UNC13C: variants seen among roughly 807,000 people sequenced by gnomAD.
UNC13C encodes the protein unc-13 homolog C.
In UNC13C, 174 loss-of-function variants were observed where a neutral mutation model predicts 245.4. The ratio of observed to expected loss-of-function variants is 0.71; its 90% CI spans 0.63 to 0.80. UNC13C has a LOEUF of 0.80. UNC13C is among the 30% of genes least tolerant of loss of function. The probability of loss-of-function intolerance (pLI) is 0.00; values close to 1 mark genes in which losing one functional copy is unlikely to be tolerated. For synonymous variants in UNC13C, 992 were observed against 895.1 expected (o/e 1.11, Z -1.93); for missense variants, 2,829 against 2,602.9 (o/e 1.09, Z -1.89).
chr15:54,141,650 TTTAAA>T (rs2032026527), intron 2 of UNC13C, among the ~76,000 whole-genome samples: 1 of 152,114 alleles, frequency 6.6e-6, no homozygotes, highest in African/African-American at 2.4e-5. Flanking sequence ...ATATCATTAT[TTTAAA>T]TGATGCTTTG....
chr15:54,291,267 A>G (rs2037291787), intron 10 of UNC13C, among the ~76,000 whole-genome samples: 1 of 151,920 alleles, frequency 6.6e-6, no homozygotes, highest in Non-Finnish European at 1.5e-5. Context: ...ACTGCTCTCC[A>G]TGGTTGATAG....
At chr15:54,624,551 G>T (rs1030314605) in intron 32 of UNC13C, among the ~76,000 whole-genome samples, 3 of 152,064 alleles carry the variant, frequency 2.0e-5, no homozygotes, top group Non-Finnish European at 4.4e-5. Context: ...TTCAATAGGT[G>T]GTCCACTGAA....
At chr15:54,550,697 A>C (rs937633977) in intron 28 of UNC13C, among the ~76,000 whole-genome samples, 4 of 152,164 alleles carry the variant, frequency 2.6e-5, no homozygotes, top group African/African-American at 9.7e-5. Flanking sequence ...TGTCACCCAC[A>C]CATGTTCAGT....
intron 19 of UNC13C, among the ~76,000 whole-genome samples, chr15:54,461,484 G>T (rs975822397): frequency 2.6e-5 from 4 of 152,002 alleles, no homozygotes; most frequent in African/African-American, 9.7e-5. Flanking sequence ...AAAATATTTT[G>T]TTAGTCTATA....
chr15:54,481,586 A>G (rs140314344), intron 19 of UNC13C, among the ~76,000 whole-genome samples: 32 of 152,186 alleles, frequency 2.1e-4, no homozygotes, highest in African/African-American at 6.3e-4. Context: ...TCAGGGCGCA[A>G]TATAGTCTGG....
At chr15:54,304,026 G>A (rs1341989964) in intron 13 of UNC13C, among the ~76,000 whole-genome samples, 1 of 152,052 alleles carries the variant, frequency 6.6e-6, no homozygotes, top group Non-Finnish European at 1.5e-5. Context: ...GTTCACACTA[G>A]ACAACTGTCT....
chr15:53,880,178 G>C, the UNC13C span, among the ~76,000 whole-genome samples: 1 of 152,052 alleles, frequency 6.6e-6, no homozygotes, highest in South Asian at 2.1e-4. Flanking sequence ...CAGGATCTCC[G>C]AGACGTATTT....
At position 54,324,992 on chromosome 15, in the gene UNC13C, C is replaced by T. The variant is rs190721070; in HGVS notation, c.4425+2897C>T. The stretch of plus-strand genomic sequence containing the variant: ...ATTTTTTTTATTCCTCATCAGCTAT[C>T]ATTAGTGTTAGCGTATTTCATGTGT... On this transcript the variant is annotated intron_variant, in intron 14 of 32. Transcript: ENST00000260323. Among the ~76,000 whole-genome samples, 209 of 152,060 alleles carry T rather than the reference C, an allele frequency of 1.4e-3. 1 individual carries two copies. The highest frequency in any genetic ancestry group is 1.8e-3 in the Non-Finnish European group (119 of 67,954).
At chr15:54,202,417 C>G (rs921432894) in intron 4 of UNC13C, among the ~76,000 whole-genome samples, 1 of 151,968 alleles carries the variant, frequency 6.6e-6, no homozygotes. Context: ...CAAATTCAAA[C>G]TATACTATAA....
Position 54,511,502 on chromosome 15 carries a change from C to T in UNC13C, c.5380-251C>T, listed in dbSNP as rs1894737201. 3.3e-5 allele frequency among the ~76,000 whole-genome samples: 5 copies of T among 152,026 alleles called. No homozygotes were observed. In the South Asian group the frequency reaches 1.0e-3, roughly 31 times the overall value. ...GTTACAATGTTAAAGATAAAAGAAA[C>T]TTTAGCAGCAAGTCTCCAATGGTTT... On this transcript the variant is annotated intron_variant, in intron 23 of 32. Transcript: ENST00000260323.
At chr15:54,498,956 A>C (rs1894078697) in intron 20 of UNC13C, among the ~76,000 whole-genome samples, 1 of 152,182 alleles carries the variant, frequency 6.6e-6, no homozygotes, top group Non-Finnish European at 1.5e-5. Context: ...GGAGAACTAC[A>C]TTATTGGTTA....
rs537549281 is a variant in UNC13C at position 54,522,599 on chromosome 15, A to G, written c.5458-2950A>G. Among the ~76,000 whole-genome samples the G allele has an allele frequency of 1.4e-3, 211 of 152,320 alleles. 1 individual carries two copies. Among genetic ancestry groups the G allele is most frequent in the South Asian group, 3.5e-3 (17 of 4,832 alleles). On this transcript the variant is annotated intron_variant, in intron 24 of 32. Transcript: ENST00000260323. ...GTATAAAATACCTCAATGGTGTAAA[A>G]CTCAGTTAATACCTATGTGGGATTA...
At chr15:54,053,727 T>A (rs1897373200) in intron 2 of UNC13C, among the ~76,000 whole-genome samples, 1 of 152,134 alleles carries the variant, frequency 6.6e-6, no homozygotes, top group Admixed American at 6.5e-5. Context: ...AAATACTAGA[T>A]CTTATTTATT....
chr15:54,408,094 G>T (rs922053678), intron 18 of UNC13C, among the ~76,000 whole-genome samples: 1 of 150,458 alleles, frequency 6.6e-6, no homozygotes, highest in African/African-American at 2.4e-5. Flanking sequence ...CCAGCTACTC[G>T]GGAGGCTGAG....
chr15:54,106,342 T>G (rs979907609), intron 2 of UNC13C, among the ~76,000 whole-genome samples: 3 of 152,202 alleles, frequency 2.0e-5, no homozygotes, highest in African/African-American at 7.2e-5. Context: ...GTTCAAGTCT[T>G]GAAGAGAATA....
intron 30 of UNC13C, among the ~76,000 whole-genome samples, chr15:54,612,611 G>T (rs189645845): frequency 6.6e-6 from 1 of 151,956 alleles, no homozygotes; most frequent in East Asian, 1.9e-4. Context: ...TTGAATAATC[G>T]TGCTCTTTCT....
At chr15:54,516,495 G>A (rs1894981636) in intron 24 of UNC13C, among the ~76,000 whole-genome samples, 1 of 152,074 alleles carries the variant, frequency 6.6e-6, no homozygotes, top group Non-Finnish European at 1.5e-5. Context: ...GAGAATTACT[G>A]CTATATGCTT....
At chr15:54,381,418 A>G (rs1217095310) in intron 17 of UNC13C, among the ~76,000 whole-genome samples, 1 of 151,924 alleles carries the variant, frequency 6.6e-6, no homozygotes, top group Non-Finnish European at 1.5e-5. Flanking sequence ...TTTACACAAA[A>G]TTGCTTTGGT....
intron 2 of UNC13C, among the ~76,000 whole-genome samples, chr15:54,127,471 C>T (rs890588137): frequency 2.7e-4 from 41 of 151,898 alleles, no homozygotes; most frequent in Non-Finnish European, 3.2e-4. Context: ...AACCAAACAC[C>T]GCATGTTCTC....
Sources: gnomAD v4.1 joint callset for allele counts (sites outside exome capture counted in the v4.1 genomes callset) on GRCh38, gnomAD v4.1.1 for gene constraint, MANE v1.5 for transcripts, NCBI Gene and HGNC (gene_info 2026-07-23, HGNC 2026-07-21) for gene names.